HTR3B: variants seen among roughly 807,000 people sequenced by gnomAD.
The protein encoded by HTR3B is 5-hydroxytryptamine (serotonin) receptor 3B, ionotropic.
Under a neutral mutation model 42.8 loss-of-function variants are expected in HTR3B, and 44 were observed. That is an observed-to-expected ratio of 1.03 (90% CI 0.81 to 1.32). HTR3B has a LOEUF of 1.32. HTR3B is among the 40% of genes most tolerant of loss of function. The pLI, the probability that HTR3B is intolerant of heterozygous loss-of-function variation, is 0.00. For missense variants in HTR3B, 527 were observed against 536.5 expected (o/e 0.98, Z 0.17); for synonymous variants, 203 against 209.0 (o/e 0.97, Z 0.25).
rs1386596895 is a variant in HTR3B at position 113,946,912 on chromosome 11, A to G, written c.*775A>G. 3.3e-5 allele frequency among the ~76,000 whole-genome samples: 5 copies of G among 152,240 alleles called. No homozygotes were observed. Among genetic ancestry groups the G allele is most frequent in the Non-Finnish European group, 7.3e-5 (5 of 68,044 alleles). ...CACACCAGAGAATACAAAATAAGTC[A>G]GCACAGGTTATTATTCACTTGTTGT... On this transcript the variant is annotated 3_prime_UTR_variant, in exon 9 of 9. Coordinates refer to ENST00000260191, the MANE Select transcript of HTR3B (RefSeq NM_006028.5).
At chr11:113,937,517 T>C (rs964842540) in intron 6 of HTR3B, among the ~76,000 whole-genome samples, 4 of 152,210 alleles carry the variant, frequency 2.6e-5, no homozygotes, top group African/African-American at 9.6e-5. Context: ...GCACTTAGCC[T>C]ATGCCAAGCA....
intron 2 of HTR3B, among the ~76,000 whole-genome samples, chr11:113,916,562 T>G (rs371811322): frequency 6.6e-6 from 1 of 152,224 alleles, no homozygotes; most frequent in African/African-American, 2.4e-5. Flanking sequence ...AACTTTAGAA[T>G]TGACTCATCA....
chr11:113,934,462 A>G (rs1950070744), intron 6 of HTR3B, among the ~76,000 whole-genome samples: 1 of 152,020 alleles, frequency 6.6e-6, no homozygotes, highest in Non-Finnish European at 1.5e-5. Context: ...AGAAGGAAAG[A>G]AAGAAAGAAA....
At position 113,933,098 on chromosome 11, in the gene HTR3B, G is replaced by T. The variant is rs765831658; in HGVS notation, c.696+5G>T. On this transcript the variant is annotated splice_donor_5th_base_variant and intron_variant, in intron 6 of 8. Transcript: ENST00000260191. ...TTTGCACAGATTCAGTTTAATGTAG[G>T]TTCTTTACTACCTGTCCCCGTTGCC... The T allele has an allele frequency of 1.9e-6, 3 of 1,610,924 alleles. No individual in the cohort carries two copies. The highest frequency in any genetic ancestry group is 2.5e-6 in the Non-Finnish European group (3 of 1,178,146).
intron 7 of HTR3B, 38 bp from the exon 8 acceptor site, chr11:113,944,535 G>T: frequency 1.3e-6 from 2 of 1,598,474 alleles, no homozygotes; most frequent in South Asian, 2.2e-5. Context: ...CTGCATTTCA[G>T]ACTGGAGGCT....
At chr11:113,923,119 G>A (rs945420753) in intron 2 of HTR3B, among the ~76,000 whole-genome samples, 7 of 152,158 alleles carry the variant, frequency 4.6e-5, no homozygotes, top group Non-Finnish European at 8.8e-5. Flanking sequence ...GCATGTAGGT[G>A]GGATAAGCCT....
rs1950048706 is a variant in HTR3B, at chr11:113,932,675, A to G, written c.538+217A>G. ...GAAACAGTGTTAGGCCTCTACTGCC[A>G]TGGATAATATTATAGAAATCGCAGG... On this transcript the variant is annotated intron_variant, in intron 5 of 8. Transcript: ENST00000260191. Among the ~76,000 whole-genome samples the G allele has an allele frequency of 2.6e-5, 4 of 152,120 alleles. No homozygotes were observed. The South Asian group carries it at 8.3e-4, about 31-fold the overall frequency.
At chr11:113,937,972 C>T (rs1591585351) in intron 6 of HTR3B, among the ~76,000 whole-genome samples, 1 of 152,304 alleles carries the variant, frequency 6.6e-6, no homozygotes, top group South Asian at 2.1e-4. Context: ...CCTTGCCTCT[C>T]CTCTGCCTCT....
At chr11:113,942,961 A>G in intron 6 of HTR3B, 21 bp from the exon 7 acceptor site, 2 of 1,610,376 alleles carry the variant, frequency 1.2e-6, no homozygotes, top group African/African-American at 1.3e-5. Flanking sequence ...TCTTTTCATC[A>G]GACCACTTGT....
chr11:113,935,740 G>C (rs895324044), intron 6 of HTR3B, among the ~76,000 whole-genome samples: 1 of 152,236 alleles, frequency 6.6e-6, no homozygotes, highest in Admixed American at 6.5e-5. Context: ...GGCCTGCCAG[G>C]GTCCTGACAG....
At chr11:113,909,133 C>T (rs1423343437) in intron 1 of HTR3B, 162 bp from the exon 2 acceptor site, 17 of 636,048 alleles carry the variant, frequency 2.7e-5, no homozygotes, top group Non-Finnish European at 3.9e-5. Context: ...TTACTTTAAG[C>T]ATTTGCCAAA....
chr11:113,937,462 C>CAA (rs973389190), intron 6 of HTR3B, among the ~76,000 whole-genome samples: 4 of 152,174 alleles, frequency 2.6e-5, no homozygotes, highest in African/African-American at 9.7e-5. Context: ...CACAGATCCC[C>CAA]AAAATCTGCC....
At chr11:113,924,929 G>T (rs1170073217) in intron 2 of HTR3B, among the ~76,000 whole-genome samples, 1 of 152,108 alleles carries the variant, frequency 6.6e-6, no homozygotes, top group Non-Finnish European at 1.5e-5. Flanking sequence ...GTTTCTATGT[G>T]CTCCGAATGC....
At chr11:113,932,268 G>A (rs139524455) in intron 4 of HTR3B, 21 bp from the exon 5 acceptor site, 3 of 1,594,850 alleles carry the variant, frequency 1.9e-6, no homozygotes, top group Admixed American at 1.7e-5. Context: ...GTGACAACAA[G>A]TTCTCTTGTG....
At chr11:113,915,230 G>T (rs764928955) in intron 2 of HTR3B, among the ~76,000 whole-genome samples, 1 of 152,076 alleles carries the variant, frequency 6.6e-6, no homozygotes, top group Non-Finnish European at 1.5e-5. Flanking sequence ...TTGAGACAGG[G>T]TCTCACTCTG....
At chr11:113,931,931 G>A (rs1950039273) in intron 4 of HTR3B, 64 bp downstream of exon 4, 2 of 937,570 alleles carry the variant, frequency 2.1e-6, no homozygotes, top group Non-Finnish European at 3.5e-6. Flanking sequence ...GCCAGTTGCT[G>A]CTTACTTTCA....
intron 2 of HTR3B, among the ~76,000 whole-genome samples, chr11:113,913,350 A>ATTTTT (rs71063533): frequency 0.013 from 812 of 61,508 alleles, 49 homozygotes; most frequent in African/African-American, 0.025. Flanking sequence ...TGTCTGGCTA[A>ATTTTT]TTTTTTTTTT....
chr11:113,919,474 AT>A lies in HTR3B; in HGVS notation c.213+10025del, dbSNP rs913312422. Among the ~76,000 whole-genome samples, 6 of 152,226 alleles carry A rather than the reference AT, an allele frequency of 3.9e-5. No homozygotes were observed. In the East Asian group the frequency reaches 1.2e-3, roughly 29 times the overall value. On this transcript the variant is annotated intron_variant, in intron 2 of 8. Coordinates refer to ENST00000260191, the MANE Select transcript of HTR3B (RefSeq NM_006028.5). Reference sequence around the variant, plus strand: ...TACTACCAGTGAATCAGAGTCTTTGATTTTTTGGGACTGAGAATTAGGCATT... The same window carrying A: ...TACTACCAGTGAATCAGAGTCTTTGATTTTTGGGACTGAGAATTAGGCATT...
chr11:113,937,928 G>T (rs1950103989), intron 6 of HTR3B, among the ~76,000 whole-genome samples: 1 of 152,148 alleles, frequency 6.6e-6, no homozygotes, highest in South Asian at 2.1e-4. Context: ...GGGCAGGGTT[G>T]GTTCCTTCTG....
Sources: allele counts gnomAD v4.1 joint callset (sites outside exome capture counted in the v4.1 genomes callset), GRCh38; gene constraint gnomAD v4.1.1; transcripts MANE v1.5; gene names NCBI Gene and HGNC (gene_info 2026-07-23, HGNC 2026-07-21).